NDUFAF6: variants seen among roughly 807,000 people sequenced by gnomAD.
NDUFAF6 encodes the protein NADH dehydrogenase (ubiquinone) complex I, assembly factor 6.
In NDUFAF6, 45 loss-of-function variants were observed where a neutral mutation model predicts 40.8. The observed-to-expected ratio is 1.10, with a 90% CI of 0.87 to 1.42. NDUFAF6 has a LOEUF of 1.42. Among genes scored for constraint, NDUFAF6 ranks in the 40% most tolerant of loss-of-function variants. The pLI is 0.00. For synonymous variants in NDUFAF6, 185 were observed against 155.9 expected, an observed-to-expected ratio of 1.19 and a Z score of -1.39; for missense variants, 435 against 418.5, an observed-to-expected ratio of 1.04 and a Z score of -0.34.
intron 2 of NDUFAF6, among the ~76,000 whole-genome samples, chr8:95,089,099 C>T (rs1249511958): frequency 2.0e-5 from 3 of 151,934 alleles, no homozygotes; most frequent in African/African-American, 4.8e-5. Context: ...CTGGCTCTGT[C>T]GTCTAGGCTG....
At chr8:95,084,763 T>A (rs1451873188) in intron 2 of NDUFAF6, among the ~76,000 whole-genome samples, 2 of 152,188 alleles carry the variant, frequency 1.3e-5, no homozygotes, top group African/African-American at 4.8e-5. Context: ...ACAGGGAGGT[T>A]CCTGTCTGTA....
chr8:95,009,228 T>C (rs1228579163), intron 2 of NDUFAF6, among the ~76,000 whole-genome samples: 1 of 151,724 alleles, frequency 6.6e-6, no homozygotes, highest in African/African-American at 2.4e-5. Flanking sequence ...AAAATAAAAT[T>C]ATGTATAGAT....
chr8:95,103,213 C>T (rs1023041076), exon 3 of NDUFAF6: 5 of 152,160 alleles, frequency 3.3e-5, no homozygotes, highest in African/African-American at 1.2e-4. Flanking sequence ...AGTGAGTCAA[C>T]CTTACCCCTG....
At chr8:94,924,081 GA>G (rs1440941841) in intron 1 of NDUFAF6, among the ~76,000 whole-genome samples, 1 of 151,708 alleles carries the variant, frequency 6.6e-6, no homozygotes, top group African/African-American at 2.4e-5. Context: ...TGTTTTTTGA[GA>G]CGTAGTCTCG....
At chr8:94,956,274 G>A (rs922413794), upstream of NDUFAF6, among the ~76,000 whole-genome samples, 2 of 152,194 alleles carry the variant, frequency 1.3e-5, no homozygotes, top group Non-Finnish European at 2.9e-5. Context: ...TCCAGCGTTT[G>A]GGCAAGTGCT....
rs576041471 is a variant in NDUFAF6, at chr8:95,050,496, C to T, written c.817-1678C>T. ...TACTAATCATGTAATCTTAACCTCT[C>T]TGTGCTTTAGTTTCCTCATCTGTAG... is the stretch of plus-strand genomic sequence containing the variant. On this transcript the variant is annotated intron_variant, in intron 7 of 8. Transcript: ENST00000396124. Among the ~76,000 whole-genome samples the T allele has an allele frequency of 3.9e-5, 6 of 152,336 alleles. No individual in the cohort carries two copies. The South Asian group carries it at 1.2e-3, about 32-fold the overall frequency.
At chr8:94,911,838 G>A (rs1347324717) in intron 1 of NDUFAF6, among the ~76,000 whole-genome samples, 1 of 152,210 alleles carries the variant, frequency 6.6e-6, no homozygotes, top group African/African-American at 2.4e-5. Flanking sequence ...GGTTCCTTGA[G>A]AGCAGCCAGA....
chr8:95,037,300 A>C (rs1829616885), intron 3 of NDUFAF6, among the ~76,000 whole-genome samples: 1 of 152,210 alleles, frequency 6.6e-6, no homozygotes, highest in Non-Finnish European at 1.5e-5. Flanking sequence ...TTTCCTTCTG[A>C]ATCAGAGCTA....
intron 1 of NDUFAF6, among the ~76,000 whole-genome samples, chr8:94,971,702 G>C (rs141618964): frequency 0.13 from 19,919 of 152,082 alleles, 1,632 homozygotes; most frequent in Middle Eastern, 0.23. Flanking sequence ...TTTGGGAGGC[G>C]GAGGCGGGTG....
At chr8:94,937,936 T>C (rs1380677459) in intron 1 of NDUFAF6, among the ~76,000 whole-genome samples, 2 of 152,196 alleles carry the variant, frequency 1.3e-5, no homozygotes, top group African/African-American at 4.8e-5. Context: ...CTAGTATTGC[T>C]ACCTGCAATC....
downstream of NDUFAF6, among the ~76,000 whole-genome samples, chr8:95,104,872 G>A (rs935079254): frequency 6.6e-6 from 1 of 152,146 alleles, no homozygotes; most frequent in Admixed American, 6.5e-5. Flanking sequence ...AAGATGAGCT[G>A]CGGCAGCCAG....
Position 94,926,331 on chromosome 8 carries a change from A to G in NDUFAF6, c.-935-19152A>G, listed in dbSNP as rs146521688. 8.5e-5 allele frequency: 13 copies of G among 152,650 alleles called. No homozygotes were observed. The East Asian group carries it at 2.1e-3, about 25-fold the overall frequency. 9.5% of individuals were successfully genotyped at this position (152,650 alleles called of 1,614,324 possible). A position where few individuals can be genotyped will look rare whatever the true frequency, so the allele number is the denominator to read the frequency against. On this transcript the variant is annotated intron_variant, in intron 1 of 14. Coordinates refer to the NDUFAF6 transcript ENST00000396113. ...TTAAGAAGGCACATGTACAGTCTAC[A>G]ATACTCTTCAGTCTCCCTAACTCAT...
intron 1 of NDUFAF6, among the ~76,000 whole-genome samples, chr8:94,900,160 A>G (rs1817923932): frequency 6.6e-6 from 1 of 151,868 alleles, no homozygotes; most frequent in Non-Finnish European, 1.5e-5. Flanking sequence ...GCCAGGCTGT[A>G]GGGAGCCCCT....
At position 95,013,764 on chromosome 8, in the gene NDUFAF6, A is replaced by G. The variant is rs531568707; in HGVS notation, c.-83-18231A>G. 1.4e-4 allele frequency among the ~76,000 whole-genome samples: 21 copies of G among 152,362 alleles called. No homozygotes were observed. In the East Asian group the frequency reaches 3.9e-3, roughly 28 times the overall value. Reference sequence around the variant, plus strand: ...ACTGCAAAGAAAAAAATAGGGCAGCATAAGTGGAGGGTTACAAGGTGAATT... The same window carrying G: ...ACTGCAAAGAAAAAAATAGGGCAGCGTAAGTGGAGGGTTACAAGGTGAATT... On this transcript the variant is annotated intron_variant, in intron 2 of 9. Transcript: ENST00000396111.
At chr8:95,050,422 T>G (rs1246619658) in intron 7 of NDUFAF6, among the ~76,000 whole-genome samples, 7 of 152,082 alleles carry the variant, frequency 4.6e-5, no homozygotes, top group Admixed American at 4.6e-4. Flanking sequence ...TGGATGAGAG[T>G]GCAAACTCTG....
At chr8:95,003,689 C>T (rs1713787765) in intron 2 of NDUFAF6, among the ~76,000 whole-genome samples, 1 of 152,148 alleles carries the variant, frequency 6.6e-6, no homozygotes, top group African/African-American at 2.4e-5. Flanking sequence ...TCTTAACATT[C>T]TTATCTCCTT....
At chr8:94,954,700 T>C (rs142106946), upstream of NDUFAF6, among the ~76,000 whole-genome samples, 1,044 of 152,288 alleles carry the variant, frequency 6.9e-3, 8 homozygotes, top group African/African-American at 0.024. Flanking sequence ...AGAGCAGTGC[T>C]GTTCTCAGGC....
At chr8:95,112,293 C>A (rs10105975) in intron 4 of NDUFAF6, among the ~76,000 whole-genome samples, 7,476 of 152,168 alleles carry the variant, frequency 0.049, 573 homozygotes, top group African/African-American at 0.17. Context: ...TTTGCAGATA[C>A]AATGACATGA....
intron 2 of NDUFAF6, among the ~76,000 whole-genome samples, chr8:94,996,230 G>C (rs1190683659): frequency 1.4e-4 from 22 of 152,170 alleles, no homozygotes; most frequent in Admixed American, 1.4e-3. Flanking sequence ...AACCAGCTTA[G>C]TACAATGAAA....
Sources: allele counts gnomAD v4.1 joint callset (sites outside exome capture counted in the v4.1 genomes callset), GRCh38; gene constraint gnomAD v4.1.1; transcripts MANE v1.5; gene names NCBI Gene and HGNC (gene_info 2026-07-23, HGNC 2026-07-21).